Variants in CCDC177 observed in about 807,000 individuals in gnomAD.
CCDC177 encodes the protein coiled-coil domain containing 177, also known as coiled-coil domain-containing protein 177.
CCDC177 carries 2 observed loss-of-function variants against 7.3 expected under a neutral mutation model. That is an observed-to-expected ratio of 0.28 (90% CI 0.11 to 0.87). CCDC177 has a LOEUF of 0.87. CCDC177 is among the 40% of genes least tolerant of loss of function. CCDC177 has a pLI of 0.61. For synonymous variants in CCDC177, 401 were observed against 449.2 expected, an observed-to-expected ratio of 0.89 and a Z score of 1.36; for missense variants, 874 against 970.5, an observed-to-expected ratio of 0.90 and a Z score of 1.32.
At position 69,573,469 on chromosome 14, in the gene CCDC177, G is replaced by C; in HGVS notation, c.154C>G (p.Arg52Gly). ...GCTGCACATGGGACTTCTGCCTTGC[G>C]GGGCACCGCCGCGGAGGCCGAGGCC... ...ASASASAAVP[R>G]KAEVPCAAAE... The change falls in exon 2 of 2, where the codon CGC becomes GGC. Residue 52 changes from arginine to glycine, a missense_variant. Physicochemically the swap from Arg to Gly is moderately radical, Grantham distance 125. Coordinates refer to ENST00000599174, the MANE Select transcript of CCDC177 (RefSeq NM_001271507.2). 1.6e-6 allele frequency: 2 copies of C among 1,231,318 alleles called. No homozygotes were observed. The highest frequency in any genetic ancestry group is 4.2e-5 in the Admixed American group (1 of 23,712). The allele number at this position is 1,231,318 out of a possible 1,614,324, so 76.3% of individuals were successfully genotyped here. A position where few individuals can be genotyped will look rare whatever the true frequency, so the allele number is the denominator to read the frequency against.
rs776846734 is a variant in CCDC177 at position 69,570,956 on chromosome 14, A to C, written c.*543T>G. On this transcript the variant is annotated 3_prime_UTR_variant, in exon 2 of 2. Coordinates refer to ENST00000599174, the MANE Select transcript of CCDC177 (RefSeq NM_001271507.2). Reference sequence around the variant, plus strand: ...GTCTAAAAAATCAACTGCTTTTTGGATCATTTGGGCGTGGCTTGACACCTT... The same window carrying C: ...GTCTAAAAAATCAACTGCTTTTTGGCTCATTTGGGCGTGGCTTGACACCTT... The C allele has an allele frequency of 2.2e-6, 1 of 458,808 alleles. No homozygotes were observed. Among genetic ancestry groups the C allele is most frequent in the South Asian group, 1.5e-5 (1 of 64,576 alleles). 28.4% of individuals were successfully genotyped at this position (458,808 alleles called of 1,614,324 possible). A position where few individuals can be genotyped will look rare whatever the true frequency, so the allele number is the denominator to read the frequency against.
rs1041724733 is a variant in CCDC177, at chr14:69,572,561, C to T, written c.1062G>A (p.Leu354=). The T allele has an allele frequency of 1.6e-6, 2 of 1,231,062 alleles. No individual in the cohort carries two copies. Among genetic ancestry groups the T allele is most frequent in the Non-Finnish European group, 2.0e-6 (2 of 987,554 alleles). The allele number at this position is 1,231,062 out of a possible 1,614,324, so 76.3% of individuals were successfully genotyped here. A position where few individuals can be genotyped will look rare whatever the true frequency, so the allele number is the denominator to read the frequency against. ...GGGCAGCCGCGCGTTGCTCCAGCAG[C>T]AGGAGCTCCTCCTGGTGCCGCGCCA... ...LMLARHQEEL[L]LLEQRAAAHG... is the part of the protein sequence containing the mutation. Residue 354 remains leucine, a synonymous_variant, in exon 2 of 2, where the codon CTG becomes CTA. Transcript: ENST00000599174.
At chr14:69,574,262 G>T (rs1389390407) in intron 1 of CCDC177, among the ~76,000 whole-genome samples, 1 of 152,216 alleles carries the variant, frequency 6.6e-6, no homozygotes, top group Non-Finnish European at 1.5e-5. Context: ...AGCTCTGGCA[G>T]GGCTTACTGA....
In CCDC177 at chr14:69,570,808, G is replaced by T. The variant is rs917939694; in HGVS notation, c.*691C>A. The stretch of plus-strand genomic sequence containing the variant: ...TTCCTGTGCCACTTGGTAGAATGAG[G>T]GAGGGGGCAAAGGACAAAAATTGAA... On this transcript the variant is annotated 3_prime_UTR_variant, in exon 2 of 2. Transcript: ENST00000599174. The T allele has an allele frequency of 1.3e-5, 6 of 457,604 alleles. No individual in the cohort carries two copies. The highest frequency in any genetic ancestry group is 7.0e-5 in the Admixed American group (3 of 42,578). 28.3% of individuals were successfully genotyped at this position (457,604 alleles called of 1,614,324 possible).
Position 69,571,807 on chromosome 14 carries a change from C to T in CCDC177, c.1816G>A (p.Ala606Thr). 4 of 1,231,700 alleles carry T rather than the reference C, an allele frequency of 3.2e-6. No individual in the cohort carries two copies. Among genetic ancestry groups the T allele is most frequent in the Non-Finnish European group, 4.0e-6 (4 of 987,948 alleles). The allele number at this position is 1,231,700 out of a possible 1,614,324, so 76.3% of individuals were successfully genotyped here. A position where few individuals can be genotyped will look rare whatever the true frequency, so the allele number is the denominator to read the frequency against. ...LQHATQVAEE[A>T]VQQKARRVGQ... Reference sequence around the variant, plus strand: ...ACGCGCCGCGCCTTCTGCTGCACTGCTTCCTCGGCCACCTGCGTCGCGTGC... The same window carrying T: ...ACGCGCCGCGCCTTCTGCTGCACTGTTTCCTCGGCCACCTGCGTCGCGTGC... Residue 606 changes from alanine (A) to threonine (T), a missense_variant, in exon 2 of 2, where the codon GCA becomes ACA. Physicochemically the swap from Ala to Thr is moderately conservative, Grantham distance 58 (BLOSUM62 0). Transcript: ENST00000599174.
At chr14:69,574,142 T>C (rs544176750) in intron 1 of CCDC177, among the ~76,000 whole-genome samples, 7 of 152,166 alleles carry the variant, frequency 4.6e-5, no homozygotes, top group Non-Finnish European at 8.8e-5. Context: ...AAGTTTATGG[T>C]TGATTTCCCC....
In CCDC177 at chr14:69,574,698, G is replaced by C. The variant is rs1364558619; in HGVS notation, c.-185C>G. ...TGCCGCCGCCAGCGTCTCTCCATGG[G>C]GTCTGCGAACAGGGCGCACGCACCC... On this transcript the variant is annotated 5_prime_UTR_variant, in exon 1 of 2. Transcript: ENST00000599174. 1 of 152,226 alleles carries C rather than the reference G, an allele frequency of 6.6e-6. No homozygotes were observed. Among genetic ancestry groups the C allele is most frequent in the African/African-American group, 2.4e-5 (1 of 41,444 alleles). The allele number at this position is 152,226 out of a possible 1,614,324, so 9.4% of individuals were successfully genotyped here.
Position 69,573,479 on chromosome 14 carries a change from C to T in CCDC177, c.144G>A (p.Ala48=). 1.6e-6 allele frequency: 2 copies of T among 1,230,768 alleles called. No individual in the cohort carries two copies. Among genetic ancestry groups the T allele is most frequent in the Middle Eastern group, 3.1e-4 (1 of 3,208 alleles). 76.2% of individuals were successfully genotyped at this position (1,230,768 alleles called of 1,614,324 possible). A position where few individuals can be genotyped will look rare whatever the true frequency, so the allele number is the denominator to read the frequency against. ...AASSASASAS[A]AVPRKAEVPC... ...GGACTTCTGCCTTGCGGGGCACCGC[C>T]GCGGAGGCCGAGGCCGAGGCCGAGG... The change falls in exon 2 of 2, where the codon GCG becomes GCA. Residue 48 remains alanine, a synonymous_variant. Coordinates refer to ENST00000599174, the MANE Select transcript of CCDC177 (RefSeq NM_001271507.2).
rs184821478 is a variant in CCDC177 at position 69,570,814 on chromosome 14, G to A, written c.*685C>T. 84 of 457,510 alleles carry A rather than the reference G, an allele frequency of 1.8e-4. No individual in the cohort carries two copies. The East Asian group carries it at 4.5e-3, about 25-fold the overall frequency. The allele number at this position is 457,510 out of a possible 1,614,324, so 28.3% of individuals were successfully genotyped here. Reference sequence around the variant, plus strand: ...TGCCACTTGGTAGAATGAGGGAGGGGGCAAAGGACAAAAATTGAACATTAT... The same window carrying A: ...TGCCACTTGGTAGAATGAGGGAGGGAGCAAAGGACAAAAATTGAACATTAT... On this transcript the variant is annotated 3_prime_UTR_variant, in exon 2 of 2. Transcript: ENST00000599174.
chr14:69,572,330 C>T lies in CCDC177; in HGVS notation c.1293G>A (p.Leu431=). ...GCCGCAGGAGGCCCTGGCGTTCGGC[C>T]AGCTCCCGCCGCCGCTCCTCGCTGC... ...YERSEERRRE[L]AERQGLLRRE... Residue 431 remains leucine (L), a synonymous_variant, in exon 2 of 2, where the codon CTG becomes CTA. Coordinates refer to ENST00000599174, the MANE Select transcript of CCDC177 (RefSeq NM_001271507.2). 8.2e-7 allele frequency: 1 copy of T among 1,226,368 alleles called. No homozygotes were observed. The highest frequency in any genetic ancestry group is 1.0e-6 in the Non-Finnish European group (1 of 984,608). The allele number at this position is 1,226,368 out of a possible 1,614,324, so 76.0% of individuals were successfully genotyped here. A position where few individuals can be genotyped will look rare whatever the true frequency, so the allele number is the denominator to read the frequency against.
Position 69,570,495 on chromosome 14 carries a change from T to C in CCDC177, c.*1004A>G, listed in dbSNP as rs1420180975. 1 of 290,300 alleles carries C rather than the reference T, an allele frequency of 3.4e-6. No homozygotes were observed. Among genetic ancestry groups the C allele is most frequent in the Non-Finnish European group, 6.8e-6 (1 of 148,036 alleles). 18.0% of individuals were successfully genotyped at this position (290,300 alleles called of 1,614,324 possible). ...AGTAAAGCAGCCAAGGATACCCTAA[T>C]TGTCCTCAGAGAAGTAGAGATGATT... On this transcript the variant is annotated 3_prime_UTR_variant, in exon 2 of 2. Transcript: ENST00000599174.
rs988084399 is a variant in CCDC177 at position 69,571,476 on chromosome 14, A to T, written c.*23T>A. ...AGGCCCCAGGGGGCTGTGCGTGCCA[A>T]TCTGGCTGGCAAAGAGCCGCAGTTA... is the stretch of plus-strand genomic sequence containing the variant. On this transcript the variant is annotated 3_prime_UTR_variant, in exon 2 of 2. Coordinates refer to ENST00000599174, the MANE Select transcript of CCDC177 (RefSeq NM_001271507.2). 8.0e-7 allele frequency: 1 copy of T among 1,244,644 alleles called. No individual in the cohort carries two copies. Among genetic ancestry groups the T allele is most frequent in the African/African-American group, 1.5e-5 (1 of 64,986 alleles). The allele number at this position is 1,244,644 out of a possible 1,614,324, so 77.1% of individuals were successfully genotyped here. A position where few individuals can be genotyped will look rare whatever the true frequency, so the allele number is the denominator to read the frequency against.
rs1884349634 is a variant in CCDC177 at position 69,572,530 on chromosome 14, G to A, written c.1093C>T (p.Gln365Ter). Residue 365 changes from glutamine to a stop codon, truncating the protein, a stop_gained, in exon 2 of 2, where the codon CAG becomes TAG. Transcript: ENST00000599174. LOFTEE classifies it low-confidence loss of function (END_TRUNC). ...LLEQRAAAHG[Q>*]WELQRVHAKQ... ...GCGTGCACGCGCTGCAGCTCCCACT[G>A]GCCGTGGGCAGCCGCGCGTTGCTCC... 8.1e-7 allele frequency: 1 copy of A among 1,230,932 alleles called. No individual in the cohort carries two copies. Among genetic ancestry groups the A allele is most frequent in the African/African-American group, 1.6e-5 (1 of 64,382 alleles). 76.3% of individuals were successfully genotyped at this position (1,230,932 alleles called of 1,614,324 possible).
Position 69,571,633 on chromosome 14 carries a change from C to T in CCDC177, c.1990G>A (p.Ala664Thr), listed in dbSNP as rs1595011862. ...GCTGTGGAGCGGGCGCTCTCCAGCG[C>T]ACTGCGCCGTTCCCGCGTCAGCTGC... ...SEQLTRERRS[A>T]LESARSTARA... The change falls in exon 2 of 2, where the codon GCG becomes ACG. Residue 664 changes from alanine to threonine, a missense_variant. By Grantham distance (58) the Ala-to-Thr change is moderately conservative (BLOSUM62 0). Coordinates refer to ENST00000599174, the MANE Select transcript of CCDC177 (RefSeq NM_001271507.2). 8.1e-7 allele frequency: 1 copy of T among 1,232,910 alleles called. No homozygotes were observed. The allele number at this position is 1,232,910 out of a possible 1,614,324, so 76.4% of individuals were successfully genotyped here.
At position 69,573,675 on chromosome 14, in the gene CCDC177, G is replaced by A. The variant is rs902263308; in HGVS notation, c.-28-25C>T. The A allele has an allele frequency of 3.7e-5, 46 of 1,231,514 alleles. No individual in the cohort carries two copies. The South Asian group carries it at 7.4e-4, about 20-fold the overall frequency. The allele number at this position is 1,231,514 out of a possible 1,614,324, so 76.3% of individuals were successfully genotyped here. ...TCTGCAGATCACAAGGAGGGACATC[G>A]AGGAATACGTCTGAGAGCTCTTCCC... On this transcript the variant is annotated intron_variant, in intron 1 of 1. Transcript: ENST00000599174.
Position 69,572,151 on chromosome 14 carries a change from T to C in CCDC177, c.1472A>G (p.Gln491Arg), listed in dbSNP as rs978936713. ...ERAQRAARAK[Q>R]RQEGQLQREK... Reference sequence around the variant, plus strand: ...CCGCTGCAGCTGGCCCTCCTGCCGCTGCTTGGCGCGGGCCGCGCGCTGGGC... The same window carrying C: ...CCGCTGCAGCTGGCCCTCCTGCCGCCGCTTGGCGCGGGCCGCGCGCTGGGC... The change falls in exon 2 of 2, where the codon CAG (glutamine) becomes CGG (arginine). Residue 491 changes from glutamine to arginine, a missense_variant. Transcript: ENST00000599174. 4 of 1,230,724 alleles carry C rather than the reference T, an allele frequency of 3.3e-6. No individual in the cohort carries two copies. Among genetic ancestry groups the C allele is most frequent in the East Asian group, 6.3e-5 (2 of 31,618 alleles). 76.2% of individuals were successfully genotyped at this position (1,230,724 alleles called of 1,614,324 possible).
rs1000285120 is a variant in CCDC177, at chr14:69,572,419, G to T, written c.1204C>A (p.Arg402=). Residue 402 remains arginine, a synonymous_variant, in exon 2 of 2, where the codon CGG becomes AGG. Transcript: ENST00000599174. ...TCTTCGCGGCCACGGCGGCCTCGCC[G>T]CTCCTCCACCTGCGCGGCCCAGGCT... ...RRAWAAQVEE[R]RGRRGREERE... is the part of the protein sequence containing the mutation. The T allele has an allele frequency of 1.4e-5, 17 of 1,226,634 alleles. No homozygotes were observed. The highest frequency in any genetic ancestry group is 1.6e-5 in the Non-Finnish European group (16 of 984,870). The allele number at this position is 1,226,634 out of a possible 1,614,324, so 76.0% of individuals were successfully genotyped here. A position where few individuals can be genotyped will look rare whatever the true frequency, so the allele number is the denominator to read the frequency against.
Position 69,574,067 on chromosome 14 carries a change from G to A in CCDC177, c.-28-417C>T, listed in dbSNP as rs560989757. Among the ~76,000 whole-genome samples the A allele has an allele frequency of 2.6e-5, 4 of 152,364 alleles. No homozygotes were observed. The South Asian group carries it at 6.2e-4, about 24-fold the overall frequency. ...GCTTAGGCGGGCTACTGGGGATGCAGCTTTGCAGGAACAAAAAAGCAAGAG... is the reference window on the plus strand; with the variant it reads ...GCTTAGGCGGGCTACTGGGGATGCAACTTTGCAGGAACAAAAAAGCAAGAG... On this transcript the variant is annotated intron_variant, in intron 1 of 1. Transcript: ENST00000599174.
rs574323785 is a variant in CCDC177 at position 69,570,661 on chromosome 14, T to C, written c.*838A>G. The C allele has an allele frequency of 1.5e-4, 56 of 371,786 alleles. No individual in the cohort carries two copies. The highest frequency in any genetic ancestry group is 1.1e-3 in the African/African-American group (52 of 47,038). 23.0% of individuals were successfully genotyped at this position (371,786 alleles called of 1,614,324 possible). ...TCTTAAGGCATGACTGCTGTCTTCA[T>C]GGAGTGGGCCCCACCCTGCAAGGAA... On this transcript the variant is annotated 3_prime_UTR_variant, in exon 2 of 2. Coordinates refer to ENST00000599174, the MANE Select transcript of CCDC177 (RefSeq NM_001271507.2).
Sources: allele counts gnomAD v4.1 joint callset (sites outside exome capture counted in the v4.1 genomes callset), GRCh38; gene constraint gnomAD v4.1.1; transcripts MANE v1.5; gene names NCBI Gene and HGNC (gene_info 2026-07-23, HGNC 2026-07-21).